The following ST8SIA1 variants were observed in gnomAD, a reference collection of about 807,000 sequenced individuals.
ST8SIA1 encodes ST8 alpha-N-acetyl-neuraminide alpha-2,8-sialyltransferase 1.
ST8SIA1 carries 16 observed loss-of-function variants against 35.9 expected under a neutral mutation model. The ratio of observed to expected loss-of-function variants is 0.45; its 90% CI spans 0.30 to 0.68. ST8SIA1 has a LOEUF of 0.68. Among genes scored for constraint, ST8SIA1 ranks in the 30% least tolerant of loss-of-function variants. The probability of loss-of-function intolerance (pLI) is 0.09; values close to 1 mark genes in which losing one functional copy is unlikely to be tolerated. For synonymous variants in ST8SIA1, 170 were observed against 169.6 expected (o/e 1.00, Z -0.02); for missense variants, 383 against 453.6 (o/e 0.84, Z 1.41).
Position 22,334,393 on chromosome 12 carries a change from G to C in ST8SIA1, c.-161C>G. The C allele has an allele frequency of 1.6e-6, 1 of 615,068 alleles. No homozygotes were observed. The highest frequency in any genetic ancestry group is 2.8e-5 in the East Asian group (1 of 36,352). 38.1% of individuals were successfully genotyped at this position (615,068 alleles called of 1,614,324 possible). ...TTCTTCGGCCCCGTCGGCCCCAAAG[G>C]TCAGCGCAAGGATTTTTTCAAATGC... On this transcript the variant is annotated 5_prime_UTR_variant, in exon 1 of 5. Coordinates refer to ENST00000396037, the MANE Select transcript of ST8SIA1 (RefSeq NM_003034.4).
chr12:22,239,081 G>A (rs1296711359), intron 4 of ST8SIA1, among the ~76,000 whole-genome samples: 4 of 152,070 alleles, frequency 2.6e-5, no homozygotes, highest in Admixed American at 6.6e-5. Flanking sequence ...GAGGAAGTTC[G>A]TTTTTAGTAT....
Position 22,240,445 on chromosome 12 carries a change from A to C in ST8SIA1, c.584+8561T>G, listed in dbSNP as rs551436745. Among the ~76,000 whole-genome samples the C allele has an allele frequency of 6.6e-4, 100 of 152,006 alleles. 1 individual carries two copies. Among genetic ancestry groups the C allele is most frequent in the African/African-American group, 2.4e-3 (98 of 41,476 alleles). On this transcript the variant is annotated intron_variant, in intron 4 of 4. Transcript: ENST00000396037. ...TTATTATCTGCCTTCTAATTCCCTTATTTCAGAACAGATGTTAGAATAAAT... is the reference window on the plus strand; with the variant it reads ...TTATTATCTGCCTTCTAATTCCCTTCTTTCAGAACAGATGTTAGAATAAAT...
intron 2 of ST8SIA1, among the ~76,000 whole-genome samples, chr12:22,270,842 T>C (rs1432362857): frequency 6.6e-6 from 1 of 152,244 alleles, no homozygotes; most frequent in East Asian, 1.9e-4. Flanking sequence ...AAAATTGAAA[T>C]TTTAAAAGAA....
At chr12:22,234,149 A>G (rs1181238545) in intron 4 of ST8SIA1, among the ~76,000 whole-genome samples, 4 of 151,496 alleles carry the variant, frequency 2.6e-5, no homozygotes, top group Non-Finnish European at 4.4e-5. Context: ...AATTCCAGCT[A>G]CTCGGGAGGC....
intron 2 of ST8SIA1, among the ~76,000 whole-genome samples, chr12:22,263,783 G>GAA (rs1208990435): frequency 6.6e-5 from 10 of 152,136 alleles, no homozygotes; most frequent in Non-Finnish European, 1.3e-4. Context: ...TCAGTATTTA[G>GAA]AATTGTGGCA....
chr12:22,209,877 C>A (rs1309245920), intron 4 of ST8SIA1, among the ~76,000 whole-genome samples: 1 of 152,006 alleles, frequency 6.6e-6, no homozygotes, highest in Non-Finnish European at 1.5e-5. Flanking sequence ...ATATACATGT[C>A]TTCATTTATA....
chr12:22,195,418 C>CT lies in ST8SIA1; in HGVS notation c.*6133dup, dbSNP rs201596276. The stretch of plus-strand genomic sequence containing the variant: ...CTGCTTCCTCTAGCATCTTTTCTCT[C>CT]TTTTTTTTTCTGTTTGTTGTTTTGT... On this transcript the variant is annotated 3_prime_UTR_variant, in exon 5 of 5. Transcript: ENST00000396037. The CT allele has an allele frequency of 6.2e-3, 940 of 151,038 alleles. 11 individuals are homozygous for CT. The highest frequency in any genetic ancestry group is 0.022 in the African/African-American group (893 of 41,110). The allele number at this position is 151,038 out of a possible 1,614,324, so 9.4% of individuals were successfully genotyped here. A position where few individuals can be genotyped will look rare whatever the true frequency, so the allele number is the denominator to read the frequency against.
chr12:22,208,268 T>A lies in ST8SIA1; in HGVS notation c.585-6230A>T, dbSNP rs565903999. Among the ~76,000 whole-genome samples, 209 of 151,494 alleles carry A rather than the reference T, an allele frequency of 1.4e-3. 3 individuals carry two copies. Among genetic ancestry groups the A allele is most frequent in the African/African-American group, 4.8e-3 (198 of 41,240 alleles). On this transcript the variant is annotated intron_variant, in intron 4 of 4. Transcript: ENST00000396037. ...ATACACACACACTGCATTAGAAAAA[T>A]TTTTTAAACATATTTCAATTATGTA...
At chr12:22,294,156 C>T (rs1291791370) in intron 1 of ST8SIA1, among the ~76,000 whole-genome samples, 1 of 151,948 alleles carries the variant, frequency 6.6e-6, no homozygotes, top group Non-Finnish European at 1.5e-5. Flanking sequence ...TTTCAGTCTC[C>T]CTGTTTATAC....
chr12:22,201,919 A>G lies in ST8SIA1; in HGVS notation c.704T>C (p.Val235Ala), dbSNP rs1173086983. 40 of 1,613,874 alleles carry G rather than the reference A, an allele frequency of 2.5e-5. No individual in the cohort carries two copies. The highest frequency in any genetic ancestry group is 3.2e-5 in the Non-Finnish European group (38 of 1,179,946). The change falls in exon 5 of 5, where the codon GTT (valine) becomes GCT (alanine). Residue 235 changes from valine to alanine, a missense_variant. By Grantham distance (64) the Val-to-Ala change is moderately conservative. Transcript: ENST00000396037. The part of the protein sequence containing the change: ...MKTGTEPSLR[V>A]YYTLSDVGAN... Reference sequence around the variant, plus strand: ...ACCAACATCTGACAGTGTATAATAAACCCTCAAAGATGGCTCTGTTCCTGT... The same window carrying G: ...ACCAACATCTGACAGTGTATAATAAGCCCTCAAAGATGGCTCTGTTCCTGT...
At chr12:22,270,446 A>G (rs1281333433) in intron 2 of ST8SIA1, among the ~76,000 whole-genome samples, 8 of 152,212 alleles carry the variant, frequency 5.3e-5, no homozygotes, top group Non-Finnish European at 1.2e-4. Context: ...GAGTTTCATT[A>G]ATGTTTCCTA....
chr12:22,297,766 T>C (rs1866263897), intron 1 of ST8SIA1, among the ~76,000 whole-genome samples: 1 of 152,160 alleles, frequency 6.6e-6, no homozygotes, highest in Admixed American at 6.5e-5. Flanking sequence ...AATTTGCTCT[T>C]TGACCCCGTT....
intron 4 of ST8SIA1, among the ~76,000 whole-genome samples, chr12:22,210,868 C>T (rs1349755587): frequency 6.6e-6 from 1 of 152,198 alleles, no homozygotes; most frequent in Non-Finnish European, 1.5e-5. Context: ...GTACCAATCA[C>T]CAAGTTTCAG....
At chr12:22,326,676 A>G (rs1866685850) in intron 1 of ST8SIA1, among the ~76,000 whole-genome samples, 1 of 152,192 alleles carries the variant, frequency 6.6e-6, no homozygotes, top group South Asian at 2.1e-4. Flanking sequence ...GAGGATGGTT[A>G]TGGAGTCTAC....
At chr12:22,324,907 A>G (rs1311559809) in intron 1 of ST8SIA1, 1 of 152,092 alleles carries the variant, frequency 6.6e-6, no homozygotes, top group Non-Finnish European at 1.5e-5. Context: ...TTTTTTCACA[A>G]GTTTATAAAT....
chr12:22,321,003 GAAGAAAGAAAGAAAGAAAGAA>G (rs1866589682), intron 1 of ST8SIA1, among the ~76,000 whole-genome samples: 1 of 76,566 alleles, frequency 1.3e-5, no homozygotes, highest in African/African-American at 4.8e-5. Context: ...AAGAAAGAAA[GAAGAAAGAAAGAAAGAAAGAA>G]AGAAAGAAAG....
chr12:22,308,465 C>T (rs1420570741), intron 1 of ST8SIA1, among the ~76,000 whole-genome samples: 3 of 152,130 alleles, frequency 2.0e-5, no homozygotes, highest in African/African-American at 7.2e-5. Flanking sequence ...TCTTCAAAAT[C>T]TCCTTCTTAA....
In ST8SIA1 at chr12:22,201,876, C is replaced by G. The variant is rs774634833; in HGVS notation, c.747G>C (p.Leu249=). 1 of 1,614,118 alleles carries G rather than the reference C, an allele frequency of 6.2e-7. No individual in the cohort carries two copies. Among genetic ancestry groups the G allele is most frequent in the Non-Finnish European group, 8.5e-7 (1 of 1,179,988 alleles). ...TACGCAGAAAGTTGGGGTTGGCAAA[C>G]AGCACTGTTTGATTGGCACCAACAT... is the stretch of plus-strand genomic sequence containing the variant. ...LSDVGANQTV[L]FANPNFLRSI... Residue 249 remains leucine (L), a synonymous_variant, in exon 5 of 5, where the codon CTG becomes CTC. Coordinates refer to ENST00000396037, the MANE Select transcript of ST8SIA1 (RefSeq NM_003034.4).
At chr12:22,218,409 G>C (rs1357420282) in intron 4 of ST8SIA1, among the ~76,000 whole-genome samples, 1 of 151,672 alleles carries the variant, frequency 6.6e-6, no homozygotes, top group Non-Finnish European at 1.5e-5. Context: ...CTTGAGGTCA[G>C]GAGTTCCAGA....
Sources: allele counts gnomAD v4.1 joint callset (sites outside exome capture counted in the v4.1 genomes callset), GRCh38; gene constraint gnomAD v4.1.1; transcripts MANE v1.5; gene names NCBI Gene and HGNC (gene_info 2026-07-23, HGNC 2026-07-21).